Variants in LITAF observed in about 807,000 individuals in gnomAD.
The protein encoded by LITAF is lipopolysaccharide induced TNF factor.
In LITAF, 9 loss-of-function variants were observed where a neutral mutation model predicts 14.5. The observed-to-expected ratio is 0.62, with a 90% CI of 0.37 to 1.08. The LOEUF (loss-of-function observed/expected upper bound fraction) is 1.08, where lower values mean the gene tolerates loss of function less well. LITAF is among the 50% of genes least tolerant of loss of function. LITAF has a pLI of 0.01. For synonymous variants in LITAF, 98 were observed against 88.2 expected, an observed-to-expected ratio of 1.11 and a Z score of -0.62; for missense variants, 206 against 213.4, an observed-to-expected ratio of 0.97 and a Z score of 0.22.
In LITAF at chr16:11,632,582, G is replaced by A. The variant is rs1220916047; in HGVS notation, c.85+951C>T. Among the ~76,000 whole-genome samples, 2 of 152,184 alleles carry A rather than the reference G, an allele frequency of 1.3e-5. No individual in the cohort carries two copies. The highest frequency in any genetic ancestry group is 1.9e-4 in the East Asian group (1 of 5,190). On this transcript the variant is annotated intron_variant, in intron 3 of 3. Transcript: ENST00000574848. The surrounding 1 kb of genome is among the most constrained non-coding windows in gnomAD (Gnocchi z 4.8). ...GGCCCCTGTGGGCTCTTTGGCCTGC[G>A]CTCCCTGGCACGTGGGATCCCTTGG...
At chr16:11,568,299 AAAAAG>A (rs550968798) in intron 1 of LITAF, among the ~76,000 whole-genome samples, 4 of 152,036 alleles carry the variant, frequency 2.6e-5, no homozygotes, top group Admixed American at 6.6e-5. Flanking sequence ...AAAAAAAAAA[AAAAAG>A]AAAAGAGAGA....
chr16:11,556,161 G>C (rs2064264391), intron 2 of LITAF: 3 of 430,696 alleles, frequency 7.0e-6, no homozygotes, highest in African/African-American at 2.0e-5. Context: ...CTCGGCCCTG[G>C]CCTCAGGGCA....
chr16:11,573,364 C>T (rs1341645024), intron 1 of LITAF, among the ~76,000 whole-genome samples: 1 of 152,166 alleles, frequency 6.6e-6, no homozygotes, highest in Non-Finnish European at 1.5e-5. Context: ...AACTGAGGCT[C>T]CTGCAACAGA....
intron 1 of LITAF, among the ~76,000 whole-genome samples, chr16:11,575,014 G>T (rs2064608297): frequency 6.6e-6 from 1 of 152,110 alleles, no homozygotes; most frequent in South Asian, 2.1e-4. Flanking sequence ...TGTTGGCCAG[G>T]CTGGTCTCGA....
rs144604307 is a variant in LITAF at position 11,612,700 on chromosome 16, C to T, written c.85+20833G>A. Among the ~76,000 whole-genome samples the T allele has an allele frequency of 5.9e-5, 9 of 152,320 alleles. No homozygotes were observed. The East Asian group carries it at 1.5e-3, about 26-fold the overall frequency. On this transcript the variant is annotated intron_variant, in intron 3 of 3. Transcript: ENST00000574848. The stretch of plus-strand genomic sequence containing the variant: ...GAACTGGCCACCCACTTCCCCACCC[C>T]ATTCTCCCCTGACATCTCTGTTTGT...
intron 1 of LITAF, among the ~76,000 whole-genome samples, chr16:11,574,516 T>C (rs891325118): frequency 1.3e-5 from 2 of 152,178 alleles, no homozygotes; most frequent in African/African-American, 2.4e-5. Context: ...TAATATTACA[T>C]ATTTACAAAA....
intron 1 of LITAF, among the ~76,000 whole-genome samples, chr16:11,573,761 G>A (rs991071811): frequency 8.9e-5 from 13 of 146,160 alleles, no homozygotes; most frequent in African/African-American, 3.3e-4. Context: ...GAGTGCAGTG[G>A]CGCGATCTCG....
intron 1 of LITAF, among the ~76,000 whole-genome samples, chr16:11,577,598 G>T (rs1255654482): frequency 3.3e-5 from 5 of 152,046 alleles, no homozygotes; most frequent in Non-Finnish European, 7.4e-5. Context: ...GATTACAGGT[G>T]TAAGCCACCA....
chr16:11,585,230 CAAAAAA>C (rs35542925), intron 1 of LITAF, among the ~76,000 whole-genome samples: 1 of 90,700 alleles, frequency 1.1e-5, no homozygotes, highest in African/African-American at 4.0e-5. Context: ...GACTCTGTCT[CAAAAAA>C]AAAAAAAAAA....
intron 1 of LITAF, among the ~76,000 whole-genome samples, chr16:11,568,090 C>T (rs2064482854): frequency 2.6e-5 from 4 of 152,038 alleles, no homozygotes; most frequent in Admixed American, 2.6e-4. Flanking sequence ...GAGTTCGAGA[C>T]CAGCCTGGGC....
chr16:11,561,850 C>G (rs1367254890), intron 1 of LITAF, among the ~76,000 whole-genome samples: 1 of 143,764 alleles, frequency 7.0e-6, no homozygotes, highest in African/African-American at 2.6e-5. Flanking sequence ...CTTAGAACAG[C>G]AATTAGTCCC....
upstream of LITAF, among the ~76,000 whole-genome samples, chr16:11,637,920 CTATATCTA>C (rs1567270826): frequency 1.7e-4 from 5 of 30,094 alleles, 2 homozygotes; most frequent in African/African-American, 8.9e-4. Flanking sequence ...ATATCTATAT[CTATATCTA>C]TATCTATATC....
rs2064951011 is a variant in LITAF at position 11,605,549 on chromosome 16, G to A, written c.85+27984C>T. ...CCGCAAGGAAGGAAGGGAAGAAAAG[G>A]AGAAAGAAGGGAGGGAAAAAGAGAA... On this transcript the variant is annotated intron_variant, in intron 3 of 3. Transcript: ENST00000574848. The surrounding 1 kb of genome is among the most constrained non-coding windows in gnomAD (Gnocchi z 4.7). 6.6e-6 allele frequency among the ~76,000 whole-genome samples: 1 copy of A among 152,158 alleles called. No individual in the cohort carries two copies. The highest frequency in any genetic ancestry group is 1.5e-5 in the Non-Finnish European group (1 of 68,030).
chr16:11,627,751 G>A (rs1316148894), intron 3 of LITAF, among the ~76,000 whole-genome samples: 1 of 152,202 alleles, frequency 6.6e-6, no homozygotes, highest in African/African-American at 2.4e-5. Context: ...GGCTGACGCA[G>A]GAGAATGGCT....
At chr16:11,585,054 A>T (rs556949855) in intron 1 of LITAF, among the ~76,000 whole-genome samples, 1 of 152,094 alleles carries the variant, frequency 6.6e-6, no homozygotes, top group Non-Finnish European at 1.5e-5. Context: ...CTAAAAATGC[A>T]AAAATTACCT....
At chr16:11,588,336 AT>A (rs533896608), upstream of LITAF, among the ~76,000 whole-genome samples, 432 of 152,098 alleles carry the variant, frequency 2.8e-3, 1 homozygote, top group Non-Finnish European at 4.6e-3. Flanking sequence ...CTCTATAAAA[AT>A]TTTTTTAATT....
At chr16:11,583,388 C>T (rs1401844977) in intron 1 of LITAF, among the ~76,000 whole-genome samples, 1 of 152,184 alleles carries the variant, frequency 6.6e-6, no homozygotes, top group Admixed American at 6.5e-5. Context: ...CCTGGTGAAA[C>T]CACATCCCTA....
chr16:11,574,231 G>A (rs1301176498), intron 1 of LITAF, among the ~76,000 whole-genome samples: 1 of 151,708 alleles, frequency 6.6e-6, no homozygotes, highest in Non-Finnish European at 1.5e-5. Flanking sequence ...TTGTAGAGAC[G>A]GGGTCTCAGT....
upstream of LITAF, among the ~76,000 whole-genome samples, chr16:11,588,427 C>T (rs1282543426): frequency 1.3e-5 from 2 of 151,558 alleles, no homozygotes; most frequent in Non-Finnish European, 2.9e-5. Flanking sequence ...TCCTTGACCT[C>T]CGGAGGTTGA....
Sources: gnomAD v4.1 joint callset for allele counts (sites outside exome capture counted in the v4.1 genomes callset) on GRCh38, gnomAD v4.1.1 for gene constraint, Gnocchi (gnomAD v3.1) non-coding constraint, MANE v1.5 for transcripts, NCBI Gene and HGNC (gene_info 2026-07-23, HGNC 2026-07-21) for gene names.